Variants in RSF1 observed in about 807,000 individuals in gnomAD.
The protein encoded by RSF1 is remodeling and spacing factor 1.
RSF1 carries 13 observed loss-of-function variants against 145.2 expected under a neutral mutation model. The ratio of observed to expected loss-of-function variants is 0.09; its 90% CI spans 0.06 to 0.14. The LOEUF (loss-of-function observed/expected upper bound fraction) is 0.14, where lower values mean the gene tolerates loss of function less well. Among genes scored for constraint, RSF1 ranks in the 10% least tolerant of loss-of-function variants. RSF1 has a pLI of 1.00. For missense variants in RSF1, 1,517 were observed against 1,718.2 expected (o/e 0.88, Z 2.07); for synonymous variants, 577 against 592.6 (o/e 0.97, Z 0.38).
chr11:77,805,280 C>T lies in RSF1; in HGVS notation c.187+15248G>A, dbSNP rs544504314. On this transcript the variant is annotated intron_variant, in intron 1 of 15. Coordinates refer to ENST00000308488, the MANE Select transcript of RSF1 (RefSeq NM_016578.4). ...GGTCAGGAGTTCGAGACCAGCCCGG[C>T]CTACATGGTGAAACCCTGTCTCTAC... 6.0e-4 allele frequency among the ~76,000 whole-genome samples: 91 copies of T among 152,172 alleles called. 1 individual carries two copies. Among genetic ancestry groups the T allele is most frequent in the Admixed American group, 3.1e-3 (47 of 15,278 alleles).
intron 1 of RSF1, among the ~76,000 whole-genome samples, chr11:77,784,027 G>A (rs769952931): frequency 3.3e-5 from 5 of 152,154 alleles, no homozygotes; most frequent in Non-Finnish European, 5.9e-5. Context: ...TAGGTTTGTT[G>A]AGATTATTGG....
chr11:77,701,338 G>T lies in RSF1; in HGVS notation c.1891C>A (p.Pro631Thr), dbSNP rs1371862009. Reference sequence around the variant, plus strand: ...TCACAGTGGTCAATGATATTAGATGGTGGAGAAGTTTCAGCTGCCTCAGGA... The same window carrying T: ...TCACAGTGGTCAATGATATTAGATGTTGGAGAAGTTTCAGCTGCCTCAGGA... ...GSPEAAETSP[P>T]SNIIDHCEKL... is the part of the protein sequence containing the mutation. The change falls in exon 6 of 16, where the codon CCA (proline) becomes ACA (threonine). Residue 631 changes from proline (P) to threonine (T), a missense_variant. Transcript: ENST00000308488. The T allele has an allele frequency of 6.2e-7, 1 of 1,614,064 alleles. No homozygotes were observed. Among genetic ancestry groups the T allele is most frequent in the East Asian group, 2.2e-5 (1 of 44,880 alleles).
intron 11 of RSF1, among the ~76,000 whole-genome samples, chr11:77,679,197 A>G (rs967957020): frequency 1.3e-5 from 2 of 152,176 alleles, no homozygotes; most frequent in East Asian, 1.9e-4. Context: ...TTTTCACAGG[A>G]TATCATTTTT....
intron 5 of RSF1, among the ~76,000 whole-genome samples, chr11:77,714,308 G>C (rs1384427033): frequency 6.6e-6 from 1 of 152,090 alleles, no homozygotes; most frequent in Non-Finnish European, 1.5e-5. Context: ...ATACGTTTTT[G>C]TTGTTACCAT....
chr11:77,785,925 C>CAG (rs1948451214), intron 1 of RSF1, among the ~76,000 whole-genome samples: 1 of 37,126 alleles, frequency 2.7e-5, no homozygotes, highest in Non-Finnish European at 4.7e-5. Flanking sequence ...GATTCTGTCT[C>CAG]AAAAAAAAAA....
At chr11:77,825,586 G>A (rs1467657169), upstream of RSF1, among the ~76,000 whole-genome samples, 1 of 151,982 alleles carries the variant, frequency 6.6e-6, no homozygotes, top group African/African-American at 2.4e-5. Context: ...CAAACAAGAT[G>A]TAAACCAACC....
At chr11:77,675,286 TG>T (rs1280226728) in intron 13 of RSF1, 30 bp from the exon 14 acceptor site, 2 of 1,570,966 alleles carry the variant, frequency 1.3e-6, no homozygotes, top group Non-Finnish European at 1.7e-6. Flanking sequence ...TAAAATACAA[TG>T]GTATTTAGAA....
At chr11:77,782,540 CAA>C (rs781781029) in intron 1 of RSF1, among the ~76,000 whole-genome samples, 1 of 132,594 alleles carries the variant, frequency 7.5e-6, no homozygotes, top group Non-Finnish European at 1.6e-5. Context: ...GAATCCGTCT[CAA>C]AAAAAAAAAA....
intron 1 of RSF1, among the ~76,000 whole-genome samples, chr11:77,782,749 C>CA (rs1390186608): frequency 1.3e-5 from 2 of 152,102 alleles, no homozygotes; most frequent in Non-Finnish European, 2.9e-5. Context: ...TATTGGAACA[C>CA]AAAAAATGTA....
chr11:77,861,673 A>G, the RSF1 span, among the ~76,000 whole-genome samples: 4 of 152,212 alleles, frequency 2.6e-5, no homozygotes, highest in African/African-American at 9.7e-5. Context: ...TCTTTTTTAA[A>G]GTGTCCTTGT....
intron 1 of RSF1, among the ~76,000 whole-genome samples, chr11:77,808,735 G>GT (rs1437268535): frequency 8.8e-6 from 1 of 113,060 alleles, no homozygotes; most frequent in Non-Finnish European, 1.7e-5. Flanking sequence ...GGGTTTCACC[G>GT]TGTTAACCGG....
the RSF1 span, among the ~76,000 whole-genome samples, chr11:77,850,330 C>T: frequency 1.3e-5 from 2 of 152,114 alleles, no homozygotes; most frequent in African/African-American, 4.8e-5. Context: ...ATAACTTTTC[C>T]AGGGTCACAT....
intron 9 of RSF1, among the ~76,000 whole-genome samples, chr11:77,689,957 T>C (rs1048902632): frequency 1.3e-5 from 2 of 151,956 alleles, no homozygotes; most frequent in Admixed American, 6.6e-5. Flanking sequence ...AGGTCAGCAG[T>C]TCGAGACTAG....
At chr11:77,746,940 T>A in intron 3 of RSF1, 96 bp downstream of exon 3, 1 of 719,140 alleles carries the variant, frequency 1.4e-6, no homozygotes, top group Non-Finnish European at 2.3e-6. Context: ...CTGCTAATAA[T>A]AAAAATGTCT....
intron 1 of RSF1, among the ~76,000 whole-genome samples, chr11:77,803,553 T>G (rs929162338): frequency 7.1e-6 from 1 of 140,050 alleles, no homozygotes; most frequent in Non-Finnish European, 1.6e-5. Context: ...CCAAGGCGGG[T>G]GGATCACTTG....
rs991629173 is a variant in RSF1 at position 77,662,560 on chromosome 11, G to C, written c.*4357C>G. 2.6e-5 allele frequency: 3 copies of C among 117,090 alleles called. No individual in the cohort carries two copies. Among genetic ancestry groups the C allele is most frequent in the Non-Finnish European group, 5.1e-5 (3 of 58,588 alleles). The allele number at this position is 117,090 out of a possible 1,614,324, so 7.3% of individuals were successfully genotyped here. On this transcript the variant is annotated 3_prime_UTR_variant, in exon 16 of 16. Coordinates refer to ENST00000308488, the MANE Select transcript of RSF1 (RefSeq NM_016578.4). ...AGATGTTAAAAGATAATTTAAGTTG[G>C]AGCAAAACATTTTGAAAACAAATTA...
intron 4 of RSF1, among the ~76,000 whole-genome samples, chr11:77,735,571 ACT>A (rs1264832684): frequency 6.6e-6 from 1 of 152,214 alleles, no homozygotes; most frequent in African/African-American, 2.4e-5. Context: ...AGAAAATAAT[ACT>A]GTTACTTTAA....
the RSF1 span, among the ~76,000 whole-genome samples, chr11:77,871,702 G>A: frequency 3.9e-5 from 6 of 152,132 alleles, no homozygotes; most frequent in Non-Finnish European, 7.3e-5. Flanking sequence ...GCTAGCATGC[G>A]GCAAAGAAGA....
chr11:77,686,141 T>G (rs56024026), intron 9 of RSF1, among the ~76,000 whole-genome samples: 2,126 of 152,092 alleles, frequency 0.014, 18 homozygotes, highest in Non-Finnish European at 0.02. Flanking sequence ...GCAGGATGGC[T>G]GGGTGTGGTG....
Sources: allele counts gnomAD v4.1 joint callset (sites outside exome capture counted in the v4.1 genomes callset), GRCh38; gene constraint gnomAD v4.1.1; transcripts MANE v1.5; gene names NCBI Gene and HGNC (gene_info 2026-07-23, HGNC 2026-07-21).